The following LRRC45 variants were observed in gnomAD, a reference collection of about 807,000 sequenced individuals.
LRRC45 encodes the protein leucine rich repeat containing 45.
A neutral mutation model predicts 85.4 loss-of-function variants in LRRC45; 73 were observed. The observed-to-expected ratio is 0.85, with a 90% CI of 0.71 to 1.04. LRRC45 has a LOEUF of 1.04. Among genes scored for constraint, LRRC45 ranks in the 50% least tolerant of loss-of-function variants. The probability of loss-of-function intolerance (pLI) is 0.00; values close to 1 mark genes in which losing one functional copy is unlikely to be tolerated. For synonymous variants in LRRC45, 429 were observed against 386.0 expected, an observed-to-expected ratio of 1.11 and a Z score of -1.31; for missense variants, 937 against 883.3, an observed-to-expected ratio of 1.06 and a Z score of -0.77.
At chr17:82,027,303 G>C in intron 6 of LRRC45, 83 bp from the exon 7 acceptor site, 1 of 1,537,794 alleles carries the variant, frequency 6.5e-7, no homozygotes, top group Non-Finnish European at 9.0e-7. Flanking sequence ...ACATTGGTGG[G>C]CGCTGGCTCT....
Position 82,028,590 on chromosome 17 carries a change from C to T in LRRC45, c.1238-23C>T, listed in dbSNP as rs1454879127. The T allele has an allele frequency of 1.9e-6, 3 of 1,612,572 alleles. No individual in the cohort carries two copies. In the African/African-American group the frequency reaches 4.0e-5, roughly 22 times the overall value. On this transcript the variant is annotated intron_variant, in intron 11 of 16. Coordinates refer to ENST00000306688, the MANE Select transcript of LRRC45 (RefSeq NM_144999.4). ...GGCCCCCAGGGGATGCTCACGCATA[C>T]TCTGCCCACCCTGGGCTTCCAGAGC...
At chr17:82,024,787 G>A in intron 3 of LRRC45, 24 bp downstream of exon 3, 1 of 1,564,988 alleles carries the variant, frequency 6.4e-7, no homozygotes, top group Non-Finnish European at 8.6e-7. Context: ...CCGACCCCAG[G>A]CCCTGTCTCT....
chr17:82,024,962 G>C, intron 3 of LRRC45, 38 bp from the exon 4 acceptor site: 18 of 1,509,106 alleles, frequency 1.2e-5, no homozygotes, highest in Non-Finnish European at 1.6e-5. Flanking sequence ...GGGCTAGGCA[G>C]TCCCCTAGGT....
rs911341052 is a variant in LRRC45, at chr17:82,029,545, G to C, written c.1404G>C (p.Glu468Asp). ...CTGGCAGGTGGCCATCTGTGCAGGA[G>C]CTGAGCCGAGTGAAAGCAGCGGCAC... ...LEAARLSLEE[E>D]LSRVKAAALS... is the part of the protein sequence containing the mutation. The change falls in exon 14 of 17, where the codon GAG (glutamate) becomes GAC (aspartate). Residue 468 changes from glutamate (E) to aspartate (D), a missense_variant and splice_region_variant. Glu to Asp is a conservative substitution (Grantham distance 45, BLOSUM62 2). Coordinates refer to ENST00000306688, the MANE Select transcript of LRRC45 (RefSeq NM_144999.4). 3 of 1,567,368 alleles carry C rather than the reference G, an allele frequency of 1.9e-6. No individual in the cohort carries two copies. Among genetic ancestry groups the C allele is most frequent in the Non-Finnish European group, 2.6e-6 (3 of 1,157,816 alleles).
In LRRC45 at chr17:82,030,124, G is replaced by A; in HGVS notation, c.1554G>A (p.Glu518=). The A allele has an allele frequency of 6.5e-7, 1 of 1,547,794 alleles. No homozygotes were observed. The highest frequency in any genetic ancestry group is 1.2e-5 in the South Asian group (1 of 84,034). The change falls in exon 15 of 17, where the codon GAG becomes GAA. Residue 518 remains glutamate, a synonymous_variant. Coordinates refer to ENST00000306688, the MANE Select transcript of LRRC45 (RefSeq NM_144999.4). ...KLRLLAQARD[E]AQGACLQQKQ... ...GACTGCTGGCGCAGGCACGGGACGA[G>A]GCGCAGGGCGCTTGCCTACAGCAGA... is the stretch of plus-strand genomic sequence containing the variant.
Position 82,025,519 on chromosome 17 carries a change from G to A in LRRC45, c.661+12G>A, listed in dbSNP as rs1598454417. On this transcript the variant is annotated intron_variant, in intron 5 of 16. Coordinates refer to ENST00000306688, the MANE Select transcript of LRRC45 (RefSeq NM_144999.4). ...CCTCAGAGCCGTGGGTACGGTGCAG[G>A]GCTGTGTGGAGTGACGCGTGAGCCT... 1 of 1,560,882 alleles carries A rather than the reference G, an allele frequency of 6.4e-7. No individual in the cohort carries two copies. The highest frequency in any genetic ancestry group is 2.3e-5 in the East Asian group (1 of 43,818).
Position 82,030,249 on chromosome 17 carries a change from C to T in LRRC45, c.1668+11C>T, listed in dbSNP as rs967457548. 23 of 1,533,362 alleles carry T rather than the reference C, an allele frequency of 1.5e-5. No homozygotes were observed. Among genetic ancestry groups the T allele is most frequent in the Non-Finnish European group, 1.9e-5 (22 of 1,135,896 alleles). The allele number at this position is 1,533,362 out of a possible 1,614,324, so 95.0% of individuals were successfully genotyped here. ...GAAGAGCTGCAGCAGGTAGGCGGGG[C>T]TCCGGTGGGGGGCCCCGGGCGTGCT... On this transcript the variant is annotated intron_variant, in intron 15 of 16. Coordinates refer to ENST00000306688, the MANE Select transcript of LRRC45 (RefSeq NM_144999.4).
intron 12 of LRRC45, 157 bp from the exon 13 acceptor site, chr17:82,028,936 T>C: frequency 1.4e-6 from 1 of 738,036 alleles, no homozygotes; most frequent in Non-Finnish European, 2.3e-6. Flanking sequence ...AGGGTGTGCA[T>C]GCTGCGGTAG....
In LRRC45 at chr17:82,023,397, C is replaced by G. The variant is rs1598452587; in HGVS notation, c.-247C>G. 7 of 507,784 alleles carry G rather than the reference C, an allele frequency of 1.4e-5. No individual in the cohort carries two copies. In the East Asian group the frequency reaches 2.4e-4, roughly 18 times the overall value. 31.5% of individuals were successfully genotyped at this position (507,784 alleles called of 1,614,324 possible). A position where few individuals can be genotyped will look rare whatever the true frequency, so the allele number is the denominator to read the frequency against. On this transcript the variant is annotated 5_prime_UTR_variant, in exon 1 of 17. Transcript: ENST00000306688. ...CAGGGCTGGGTGGGGGCGCGCGACG[C>G]ACCTGCCTGCTTCCTGCACGGGTGG...
intron 12 of LRRC45, 163 bp downstream of exon 12, chr17:82,028,846 TGGG>T: frequency 1.2e-6 from 1 of 866,000 alleles, no homozygotes; most frequent in South Asian, 1.8e-5. Context: ...AACCTCCTAT[TGGG>T]GGCGGCGGGG....
Position 82,029,576 on chromosome 17 carries a change from G to C in LRRC45, c.1435G>C (p.Glu479Gln), listed in dbSNP as rs976789095. ...CCGAGTGAAAGCAGCGGCACTCAGC[G>C]AGCGTGGCCAGGCTGAGGAGGAGCT... ...LSRVKAAALS[E>Q]RGQAEEELIK... The change falls in exon 14 of 17, where the codon GAG becomes CAG. Residue 479 changes from glutamate (E) to glutamine (Q), a missense_variant. Glu to Gln is a conservative substitution (Grantham distance 29). Transcript: ENST00000306688. The C allele has an allele frequency of 6.3e-7, 1 of 1,579,424 alleles. No individual in the cohort carries two copies. Among genetic ancestry groups the C allele is most frequent in the African/African-American group, 1.3e-5 (1 of 74,128 alleles).
chr17:82,029,329 A>G (rs2144148491), intron 13 of LRRC45, 144 bp downstream of exon 13: 2 of 916,348 alleles, frequency 2.2e-6, no homozygotes, highest in Non-Finnish European at 3.3e-6. Flanking sequence ...CCCACCCACC[A>G]GTGTGCCCAA....
Position 82,030,711 on chromosome 17 carries a change from G to C in LRRC45, c.1919G>C (p.Arg640Pro), listed in dbSNP as rs1315770638. 2 of 1,497,110 alleles carry C rather than the reference G, an allele frequency of 1.3e-6. No homozygotes were observed. Among genetic ancestry groups the C allele is most frequent in the Non-Finnish European group, 1.8e-6 (2 of 1,113,692 alleles). 92.7% of individuals were successfully genotyped at this position (1,497,110 alleles called of 1,614,324 possible). ...RLREAEIARI[R>P]DEEAQRASFL... ...CGGGAGGCGGAGATCGCCCGCATCC[G>C]GGACGAGGAGGCCCAGAGGGCGAGC... Residue 640 changes from arginine (R) to proline (P), a missense_variant, in exon 17 of 17, where the codon CGG becomes CCG. Transcript: ENST00000306688.
intron 13 of LRRC45, 101 bp from the exon 14 acceptor site, chr17:82,029,442 A>C: frequency 1.5e-6 from 2 of 1,328,752 alleles, no homozygotes; most frequent in South Asian, 2.6e-5. Context: ...GGAGGCTGGC[A>C]GAGAGGAGCC....
intron 14 of LRRC45, 43 bp downstream of exon 14, chr17:82,029,678 C>T: frequency 6.5e-7 from 1 of 1,530,680 alleles, no homozygotes; most frequent in Non-Finnish European, 8.8e-7. Flanking sequence ...AGCCAGGCTG[C>T]CCGGCATTGC....
At chr17:82,029,291 C>T in intron 13 of LRRC45, 106 bp downstream of exon 13, 1 of 1,189,312 alleles carries the variant, frequency 8.4e-7, no homozygotes, top group South Asian at 1.5e-5. Context: ...TTCCTGTTCC[C>T]AGAGGCTCAT....
intron 13 of LRRC45, 54 bp downstream of exon 13, chr17:82,029,239 G>A (rs2144148325): frequency 1.3e-6 from 2 of 1,546,558 alleles, no homozygotes; most frequent in Non-Finnish European, 8.8e-7. Flanking sequence ...GCTGAACAAG[G>A]CAGGGGCCCC....
At chr17:82,025,292 G>A (rs73999343) in intron 4 of LRRC45, 87 bp from the exon 5 acceptor site, 3 of 1,528,484 alleles carry the variant, frequency 2.0e-6, no homozygotes, top group African/African-American at 1.4e-5. Context: ...TGACTGCAAG[G>A]CAGTGCCCCC....
At chr17:82,024,123 C>A in intron 1 of LRRC45, 155 bp from the exon 2 acceptor site, 1 of 907,512 alleles carries the variant, frequency 1.1e-6, no homozygotes, top group Non-Finnish European at 1.6e-6. Flanking sequence ...GTGTTTCAAA[C>A]ATGACTTCGC....
Sources: allele counts gnomAD v4.1 joint callset, GRCh38; gene constraint gnomAD v4.1.1; transcripts MANE v1.5; gene names NCBI Gene and HGNC (gene_info 2026-07-23, HGNC 2026-07-21).